The following ZNF276 variants were observed in gnomAD, a reference collection of about 807,000 sequenced individuals.
The protein encoded by ZNF276 is zinc finger protein 276, also known as centromere protein Z.
ZNF276 carries 59 observed loss-of-function variants against 63.9 expected under a neutral mutation model. The ratio of observed to expected loss-of-function variants is 0.92; its 90% CI spans 0.75 to 1.15. The LOEUF (loss-of-function observed/expected upper bound fraction) is 1.15, where lower values mean the gene tolerates loss of function less well. ZNF276 is among the 50% of genes most tolerant of loss of function. The probability of loss-of-function intolerance (pLI) is 0.00; values close to 1 mark genes in which losing one functional copy is unlikely to be tolerated. For missense variants in ZNF276, 1,084 were observed against 843.8 expected (o/e 1.28, Z -3.53); for synonymous variants, 496 against 348.4 (o/e 1.42, Z -4.72).
At chr16:89,726,123 C>T (rs778487043) in intron 4 of ZNF276, among the ~76,000 whole-genome samples, 2 of 152,236 alleles carry the variant, frequency 1.3e-5, no homozygotes, top group African/African-American at 4.8e-5. Flanking sequence ...TCAAGTGATT[C>T]TCCTGTCTCA....
chr16:89,738,389 A>G lies in ZNF276; in HGVS notation c.*143A>G. The stretch of plus-strand genomic sequence containing the variant: ...GGAGGCGGGCTTGGTGTCCGGCTCA[A>G]GTAGCCTTCCTCTGCTCTGGGACCA... On this transcript the variant is annotated 3_prime_UTR_variant, in exon 11 of 11. Coordinates refer to ENST00000443381, the MANE Select transcript of ZNF276 (RefSeq NM_001113525.2). 5.0e-6 allele frequency: 7 copies of G among 1,402,492 alleles called. No individual in the cohort carries two copies. The highest frequency in any genetic ancestry group is 6.7e-6 in the Non-Finnish European group (7 of 1,045,100). The allele number at this position is 1,402,492 out of a possible 1,614,324, so 86.9% of individuals were successfully genotyped here.
chr16:89,740,276 G>A lies in ZNF276; in HGVS notation c.*2030G>A. ...GGGCCTCTGGACAGAAGAGGCTCAG[G>A]TAGGAGGCCAGGGACTTCGAGCACC... On this transcript the variant is annotated 3_prime_UTR_variant, in exon 11 of 11. Coordinates refer to ENST00000443381, the MANE Select transcript of ZNF276 (RefSeq NM_001113525.2). 1 of 644,118 alleles carries A rather than the reference G, an allele frequency of 1.6e-6. No individual in the cohort carries two copies. The allele number at this position is 644,118 out of a possible 1,614,324, so 39.9% of individuals were successfully genotyped here.
Position 89,738,189 on chromosome 16 carries a change from G to T in ZNF276, c.1788G>T (p.Gly596=). 6.2e-7 allele frequency: 1 copy of T among 1,611,438 alleles called. No homozygotes were observed. Among genetic ancestry groups the T allele is most frequent in the Non-Finnish European group, 8.5e-7 (1 of 1,179,280 alleles). The change falls in exon 11 of 11, where the codon GGG becomes GGT. Residue 596 remains glycine, a synonymous_variant. Transcript: ENST00000443381. ...CCCTGGAGGCGGAACCACCACCTGG[G>T]CCACCGAGCCCCTCTGTGACCACAG... The part of the protein sequence containing the change: ...ALPLEAEPPP[G]PPSPSVTTEG...
At chr16:89,725,329 G>A (rs2061436203) in intron 4 of ZNF276, among the ~76,000 whole-genome samples, 1 of 143,598 alleles carries the variant, frequency 7.0e-6, no homozygotes, top group Non-Finnish European at 1.5e-5. Flanking sequence ...TGATGGGCAC[G>A]CGCCACTACG....
chr16:89,732,867 T>TGACCCTGCTG, intron 6 of ZNF276: 1 of 165,138 alleles, frequency 6.1e-6, no homozygotes, highest in Non-Finnish European at 1.2e-5. Context: ...GTGCTCGCCC[T>TGACCCTGCTG]GACCCTGCTG....
In ZNF276 at chr16:89,738,710, T is replaced by A. The variant is rs915983602; in HGVS notation, c.*464T>A. 1 of 1,613,838 alleles carries A rather than the reference T, an allele frequency of 6.2e-7. No homozygotes were observed. ...GCAGTCCCCACGATCAGCCAGCAGC[T>A]GTGAGAGAGGAGCAGGTCCTCAGCC... On this transcript the variant is annotated 3_prime_UTR_variant, in exon 11 of 11. Transcript: ENST00000443381.
chr16:89,739,246 C>A lies in ZNF276; in HGVS notation c.*1000C>A. The A allele has an allele frequency of 6.2e-7, 1 of 1,614,136 alleles. No individual in the cohort carries two copies. Among genetic ancestry groups the A allele is most frequent in the Non-Finnish European group, 8.5e-7 (1 of 1,180,038 alleles). The stretch of plus-strand genomic sequence containing the variant: ...ATGTCCACAGCAACATGCAGGAAGG[C>A]CTCTTCCCTGATGGCCGCGTCTTCA... On this transcript the variant is annotated 3_prime_UTR_variant, in exon 11 of 11. Transcript: ENST00000443381.
chr16:89,734,724 C>T (rs1207664461), intron 9 of ZNF276, among the ~76,000 whole-genome samples: 3 of 152,174 alleles, frequency 2.0e-5, no homozygotes, highest in African/African-American at 7.2e-5. Context: ...TGCCTTTTCA[C>T]ATGTGTGTAG....
chr16:89,737,028 G>A (rs1290982626), intron 9 of ZNF276, among the ~76,000 whole-genome samples: 4 of 152,160 alleles, frequency 2.6e-5, no homozygotes, highest in African/African-American at 7.2e-5. Context: ...GAGTGGGTCT[G>A]CATGTCCACA....
At chr16:89,722,340 T>G (rs550021378) in intron 1 of ZNF276, among the ~76,000 whole-genome samples, 191 bp from the exon 2 acceptor site, 46 of 152,278 alleles carry the variant, frequency 3.0e-4, no homozygotes, top group Non-Finnish European at 5.1e-4. Context: ...TTTGAAAGAT[T>G]TCTTGGACCA....
At chr16:89,728,736 G>A (rs55729849) in intron 5 of ZNF276, among the ~76,000 whole-genome samples, 19,115 of 151,932 alleles carry the variant, frequency 0.13, 1,569 homozygotes, top group Middle Eastern at 0.27. Context: ...GGGGTTTCAC[G>A]GTATTGGCCA....
rs1567594872 is a variant in ZNF276 at position 89,739,952 on chromosome 16, G to C, written c.*1706G>C. ...ACCATTTGCAAGATGCCTCTGAAAA[G>C]AGCGGCCCTCCGCATTTGTGCCTCA... On this transcript the variant is annotated 3_prime_UTR_variant, in exon 11 of 11. Coordinates refer to ENST00000443381, the MANE Select transcript of ZNF276 (RefSeq NM_001113525.2). 4 of 1,611,566 alleles carry C rather than the reference G, an allele frequency of 2.5e-6. No individual in the cohort carries two copies. Among genetic ancestry groups the C allele is most frequent in the South Asian group, 1.1e-5 (1 of 91,020 alleles).
rs2062113023 is a variant in ZNF276, at chr16:89,740,775, G to A, written c.*2529G>A. 5.6e-6 allele frequency: 9 copies of A among 1,606,502 alleles called. No individual in the cohort carries two copies. Among genetic ancestry groups the A allele is most frequent in the Non-Finnish European group, 7.7e-6 (9 of 1,174,198 alleles). On this transcript the variant is annotated 3_prime_UTR_variant, in exon 11 of 11. Coordinates refer to ENST00000443381, the MANE Select transcript of ZNF276 (RefSeq NM_001113525.2). ...CCCTGCCTGGCCCACAGTGGGAGAG[G>A]ACACCTTGGCTGGTAAGGTCTGACT...
chr16:89,729,390 C>CTCTCCCCG, intron 6 of ZNF276, 72 bp downstream of exon 6: 1 of 1,348,612 alleles, frequency 7.4e-7, no homozygotes, highest in African/African-American at 1.4e-5. Context: ...GCTCCAGGGC[C>CTCTCCCCG]TCTCCCCGGT....
Position 89,738,447 on chromosome 16 carries a change from C to T in ZNF276, c.*201C>T, listed in dbSNP as rs1230. The T allele has an allele frequency of 0.46, 633,368 of 1,382,850 alleles. 158,134 individuals carry two copies. Among genetic ancestry groups the T allele is most frequent in the East Asian group, 0.98 (39,226 of 40,116 alleles). 85.7% of individuals were successfully genotyped at this position (1,382,850 alleles called of 1,614,324 possible). On this transcript the variant is annotated 3_prime_UTR_variant, in exon 11 of 11. Coordinates refer to ENST00000443381, the MANE Select transcript of ZNF276 (RefSeq NM_001113525.2). The stretch of plus-strand genomic sequence containing the variant: ...ATTTTCCCGCAAACGCTGAGTGACT[C>T]GGGGCCGGACAGTTCATAAATAATT...
Position 89,738,478 on chromosome 16 carries a change from C to A in ZNF276, c.*232C>A, listed in dbSNP as rs914493960. The A allele has an allele frequency of 1.3e-6, 2 of 1,491,940 alleles. No individual in the cohort carries two copies. Among genetic ancestry groups the A allele is most frequent in the African/African-American group, 1.4e-5 (1 of 72,210 alleles). The allele number at this position is 1,491,940 out of a possible 1,614,324, so 92.4% of individuals were successfully genotyped here. On this transcript the variant is annotated 3_prime_UTR_variant, in exon 11 of 11. Coordinates refer to ENST00000443381, the MANE Select transcript of ZNF276 (RefSeq NM_001113525.2). ...CGGACAGTTCATAAATAATTGATTC[C>A]TTTCCCCACTAAAGCAGTCGAGGAG...
At chr16:89,726,522 G>A (rs1316812332) in intron 4 of ZNF276, among the ~76,000 whole-genome samples, 1 of 152,128 alleles carries the variant, frequency 6.6e-6, no homozygotes, top group Non-Finnish European at 1.5e-5. Flanking sequence ...TTGTAGAGAC[G>A]GGGTTTAACC....
intron 9 of ZNF276, among the ~76,000 whole-genome samples, chr16:89,736,187 G>A (rs1038117016): frequency 1.3e-5 from 2 of 152,098 alleles, no homozygotes; most frequent in Admixed American, 1.3e-4. Flanking sequence ...CATGACGCCT[G>A]GGTAATTTTT....
At position 89,739,459 on chromosome 16, in the gene ZNF276, GC is replaced by G. The variant is rs1349248565; in HGVS notation, c.*1216del. 24 of 1,551,852 alleles carry G rather than the reference GC, an allele frequency of 1.5e-5. No individual in the cohort carries two copies. The highest frequency in any genetic ancestry group is 6.8e-5 in the African/African-American group (5 of 73,124). On this transcript the variant is annotated 3_prime_UTR_variant, in exon 11 of 11. Coordinates refer to ENST00000443381, the MANE Select transcript of ZNF276 (RefSeq NM_001113525.2). ...GGGAAACACTGCCCAGCCCTGACCAGCCCTGTGGGTGGAGGTACCTGTAAAA... is the reference window on the plus strand; with the variant it reads ...GGGAAACACTGCCCAGCCCTGACCAGCCTGTGGGTGGAGGTACCTGTAAAA...
Sources: gnomAD v4.1 joint callset for allele counts (sites outside exome capture counted in the v4.1 genomes callset) on GRCh38, gnomAD v4.1.1 for gene constraint, MANE v1.5 for transcripts, NCBI Gene and HGNC (gene_info 2026-07-23, HGNC 2026-07-21) for gene names.